CRACDL: variants seen among roughly 807,000 people sequenced by gnomAD.
CRACDL encodes CRACD like.
CRACDL carries 26 observed loss-of-function variants against 70.6 expected under a neutral mutation model. The observed-to-expected ratio is 0.37, with a 90% CI of 0.27 to 0.51. The LOEUF (loss-of-function observed/expected upper bound fraction) is 0.51, where lower values mean the gene tolerates loss of function less well. Ranked by LOEUF, CRACDL falls within the 20% of genes least tolerant of loss-of-function variation. The probability of loss-of-function intolerance (pLI) is 0.94; values close to 1 mark genes in which losing one functional copy is unlikely to be tolerated. For missense variants in CRACDL, 1,283 were observed against 1,376.9 expected (o/e 0.93, Z 1.08); for synonymous variants, 618 against 615.2 (o/e 1.00, Z -0.07).
At chr2:98,885,662 C>T (rs1038928726) in intron 1 of CRACDL, among the ~76,000 whole-genome samples, 2 of 152,108 alleles carry the variant, frequency 1.3e-5, no homozygotes, top group African/African-American at 4.8e-5. Context: ...AAAACTGGAG[C>T]TCTCACTTGG....
At chr2:98,833,048 C>T in intron 3 of CRACDL, 51 bp from the exon 4 acceptor site, 2 of 1,536,440 alleles carry the variant, frequency 1.3e-6, no homozygotes, top group Non-Finnish European at 1.8e-6. Context: ...TCTTACTGAC[C>T]CCTGGGGGGC....
At chr2:98,933,858 AACAG>A (rs1709143822) in intron 1 of CRACDL, among the ~76,000 whole-genome samples, 1 of 152,190 alleles carries the variant, frequency 6.6e-6, no homozygotes, top group Non-Finnish European at 1.5e-5. Context: ...GCTCATAGAC[AACAG>A]ACATTTATTC....
intron 1 of CRACDL, among the ~76,000 whole-genome samples, chr2:98,871,227 G>T (rs987172574): frequency 2.0e-5 from 3 of 152,178 alleles, no homozygotes; most frequent in Admixed American, 2.0e-4. Flanking sequence ...TATTAGAATA[G>T]AATTTATAAA....
At chr2:98,797,839 TA>T (rs1032358530) in intron 7 of CRACDL, among the ~76,000 whole-genome samples, 110 of 152,254 alleles carry the variant, frequency 7.2e-4, no homozygotes, top group African/African-American at 2.6e-3. Context: ...CACAAATAGA[TA>T]AAATTTCTTT....
rs1357654055 is a variant in CRACDL, at chr2:98,821,849, G to C, written c.2416+8C>G. On this transcript the variant is annotated splice_region_variant and intron_variant, in intron 7 of 9. Coordinates refer to ENST00000397899, the MANE Select transcript of CRACDL (RefSeq NM_207362.3). Reference sequence around the variant, plus strand: ...CCTGCCCTTCCCGCACCCTCGGCGGGCTCTTACCAGCTCCCCTGCGCAGCG... The same window carrying C: ...CCTGCCCTTCCCGCACCCTCGGCGGCCTCTTACCAGCTCCCCTGCGCAGCG... 1.2e-6 allele frequency: 2 copies of C among 1,606,642 alleles called. No individual in the cohort carries two copies. The highest frequency in any genetic ancestry group is 1.7e-6 in the Non-Finnish European group (2 of 1,178,612).
chr2:98,844,244 C>T (rs1034426676), intron 2 of CRACDL, among the ~76,000 whole-genome samples: 1 of 152,164 alleles, frequency 6.6e-6, no homozygotes, highest in East Asian at 1.9e-4. Context: ...CTTTCTTCCA[C>T]CTCTCTGCCT....
intron 7 of CRACDL, among the ~76,000 whole-genome samples, chr2:98,798,749 T>C (rs1231637792): frequency 6.6e-6 from 1 of 151,830 alleles, no homozygotes; most frequent in Non-Finnish European, 1.5e-5. Flanking sequence ...TGAAGTACAG[T>C]GGTGCGATCA....
rs1707936368 is a variant in CRACDL at position 98,890,572 on chromosome 2, A to T, written c.-10-43762T>A. Among the ~76,000 whole-genome samples, 3 of 152,268 alleles carry T rather than the reference A, an allele frequency of 2.0e-5. No homozygotes were observed. The South Asian group carries it at 6.2e-4, about 31-fold the overall frequency. On this transcript the variant is annotated intron_variant, in intron 1 of 9. Transcript: ENST00000397899. The stretch of plus-strand genomic sequence containing the variant: ...CAGATAAATTCTACTAAATGTTTAA[A>T]GAATAGTACAAATTATGTATCCCTT...
At chr2:98,794,718 C>T (rs545249912) in intron 9 of CRACDL, 47 bp from the exon 10 acceptor site, 12 of 1,559,990 alleles carry the variant, frequency 7.7e-6, no homozygotes, top group South Asian at 1.1e-5. Flanking sequence ...GCAGTGACTT[C>T]GAATTTTCCC....
At chr2:98,828,100 T>C (rs2104487139) in intron 5 of CRACDL, among the ~76,000 whole-genome samples, 1 of 152,346 alleles carries the variant, frequency 6.6e-6, no homozygotes, top group South Asian at 2.1e-4. Flanking sequence ...AAAGGGATGC[T>C]GGCAGTCATG....
intron 3 of CRACDL, among the ~76,000 whole-genome samples, chr2:98,834,236 G>C (rs1705672317): frequency 6.6e-6 from 1 of 152,144 alleles, no homozygotes; most frequent in Non-Finnish European, 1.5e-5. Context: ...AGCATAAAGA[G>C]GCCTCTGCAA....
intron 1 of CRACDL, among the ~76,000 whole-genome samples, chr2:98,871,511 C>T (rs1042171098): frequency 1.3e-5 from 2 of 152,178 alleles, no homozygotes; most frequent in Non-Finnish European, 1.5e-5. Context: ...CCTGTGCCTC[C>T]GCAAGTGTGA....
chr2:98,840,701 G>T (rs935155129), intron 2 of CRACDL: 6 of 152,124 alleles, frequency 3.9e-5, no homozygotes, highest in African/African-American at 1.4e-4. Context: ...AAACCGGAAA[G>T]CCTTCTAGAC....
At chr2:98,826,907 G>GGC in intron 6 of CRACDL, 68 bp downstream of exon 6, 1 of 1,008,970 alleles carries the variant, frequency 9.9e-7, no homozygotes, top group Non-Finnish European at 1.3e-6. Context: ...GAGGCAGGTT[G>GGC]GGGGGGGGCA....
At chr2:98,926,877 C>A (rs1435331489) in intron 1 of CRACDL, among the ~76,000 whole-genome samples, 1 of 152,204 alleles carries the variant, frequency 6.6e-6, no homozygotes, top group Non-Finnish European at 1.5e-5. Context: ...GCAGAGAGAG[C>A]GAAGATTCTC....
intron 1 of CRACDL, among the ~76,000 whole-genome samples, chr2:98,854,296 A>AAG (rs1409269022): frequency 2.7e-5 from 4 of 150,504 alleles, no homozygotes; most frequent in African/African-American, 7.3e-5. Flanking sequence ...AAAAAAAAAA[A>AAG]AAAAGAAAGA....
chr2:98,846,700 C>T (rs748809644), intron 2 of CRACDL, 31 bp downstream of exon 2: 12 of 1,591,688 alleles, frequency 7.5e-6, no homozygotes, highest in Non-Finnish European at 1.0e-5. Flanking sequence ...AAGCAAGTGC[C>T]CTCCCCAGAG....
chr2:98,893,379 G>A (rs1423434688), intron 1 of CRACDL, among the ~76,000 whole-genome samples: 1 of 152,074 alleles, frequency 6.6e-6, no homozygotes, highest in Non-Finnish European at 1.5e-5. Context: ...CGTCTCCTGG[G>A]TTCACGCCAT....
At chr2:98,905,359 C>T (rs1052965161) in intron 1 of CRACDL, among the ~76,000 whole-genome samples, 1 of 152,070 alleles carries the variant, frequency 6.6e-6, no homozygotes, top group Non-Finnish European at 1.5e-5. Context: ...TTGGAAGCTT[C>T]CTGAGGCCCT....
Sources: allele counts gnomAD v4.1 joint callset (sites outside exome capture counted in the v4.1 genomes callset), GRCh38; gene constraint gnomAD v4.1.1; transcripts MANE v1.5; gene names NCBI Gene and HGNC (gene_info 2026-07-23, HGNC 2026-07-21).